Variants in UPF1 observed in about 807,000 individuals in gnomAD.
UPF1 encodes regulator of nonsense transcripts 1.
Under a neutral mutation model 129.2 loss-of-function variants are expected in UPF1, and 9 were observed. The ratio of observed to expected loss-of-function variants is 0.07; its 90% CI spans 0.04 to 0.12. The LOEUF is 0.12. Ranked by LOEUF, UPF1 falls within the 10% of genes least tolerant of loss-of-function variation. The probability of loss-of-function intolerance (pLI) is 1.00; values close to 1 mark genes in which losing one functional copy is unlikely to be tolerated. For synonymous variants in UPF1, 649 were observed against 644.9 expected (o/e 1.01, Z -0.10); for missense variants, 788 against 1,525.3 (o/e 0.52, Z 8.05).
At chr19:18,859,964 G>T in intron 15 of UPF1, 1 of 212,836 alleles carries the variant, frequency 4.7e-6, no homozygotes, top group Non-Finnish European at 9.4e-6. Flanking sequence ...AGTTGTAGGG[G>T]CTGTGGCGCC....
At chr19:18,837,720 G>C (rs2055498297) in intron 1 of UPF1, among the ~76,000 whole-genome samples, 1 of 152,166 alleles carries the variant, frequency 6.6e-6, no homozygotes. Context: ...GCTTGGTACT[G>C]GTCCCACTTT....
Position 18,853,219 on chromosome 19 carries a change from A to C in UPF1, c.1058-33A>C. The stretch of plus-strand genomic sequence containing the variant: ...CTGGTGGAAGCGACGGCGTGGGTTA[A>C]AATGGCCACCTCTCTCACTTTTTTA... On this transcript the variant is annotated intron_variant, in intron 7 of 23. Transcript: ENST00000262803. The surrounding 1 kb of genome is among the most constrained non-coding windows in gnomAD (Gnocchi z 4.4). The C allele has an allele frequency of 6.2e-7, 1 of 1,603,154 alleles. No individual in the cohort carries two copies. Among genetic ancestry groups the C allele is most frequent in the Non-Finnish European group, 8.5e-7 (1 of 1,172,984 alleles).
intron 1 of UPF1, among the ~76,000 whole-genome samples, chr19:18,844,878 G>C (rs1044521018): frequency 1.3e-5 from 2 of 152,270 alleles, no homozygotes; most frequent in Admixed American, 6.5e-5. Flanking sequence ...ACTTTTCAGA[G>C]AGTGAAGGGA....
In UPF1 at chr19:18,851,805, G is replaced by A. The variant is rs1387603332; in HGVS notation, c.811-330G>A. Among the ~76,000 whole-genome samples the A allele has an allele frequency of 6.6e-6, 1 of 152,270 alleles. No individual in the cohort carries two copies. The highest frequency in any genetic ancestry group is 1.5e-5 in the Non-Finnish European group (1 of 68,044). ...CTTGGAGGAAGCAGCTGGCTCTGAA[G>A]GTGCCCTCTGCTGTGGACAGTGTGT... On this transcript the variant is annotated intron_variant, in intron 5 of 23. Transcript: ENST00000262803. The surrounding 1 kb of genome is among the most constrained non-coding windows in gnomAD (Gnocchi z 4.2).
At chr19:18,852,871 T>C in intron 6 of UPF1, 116 bp from the exon 7 acceptor site, 3 of 830,754 alleles carry the variant, frequency 3.6e-6, no homozygotes, top group Non-Finnish European at 5.9e-6. Context: ...TCACGGCGCC[T>C]GCTCTCACGG....
rs1184135791 is a variant in UPF1, at chr19:18,850,049, A to T, written c.462-26A>T. The T allele has an allele frequency of 6.2e-7, 1 of 1,613,696 alleles. No homozygotes were observed. The highest frequency in any genetic ancestry group is 1.3e-5 in the African/African-American group (1 of 74,906). ...GGTGAAAAGCCAAATTTTGGGTGTT[A>T]ACCGTTTATCATTTCCTGGTTTCAG... On this transcript the variant is annotated intron_variant, in intron 3 of 23. Coordinates refer to ENST00000262803, the MANE Select transcript of UPF1 (RefSeq NM_002911.4). This position sits in a 1 kb window ranked among gnomAD's most constrained non-coding sequence, Gnocchi z 7.1.
intron 1 of UPF1, among the ~76,000 whole-genome samples, chr19:18,834,020 GGAGA>G (rs2055457336): frequency 6.6e-6 from 1 of 152,190 alleles, no homozygotes; most frequent in Non-Finnish European, 1.5e-5. Context: ...AGGGAGGGAG[GGAGA>G]GAGGAGAGTT....
intron 11 of UPF1, chr19:18,855,492 G>C: frequency 1.7e-6 from 1 of 578,936 alleles, no homozygotes; most frequent in East Asian, 2.9e-5. Context: ...CTGCAGCAGC[G>C]TGAGTTCCGT....
intron 3 of UPF1, chr19:18,849,507 C>G (rs1195760634): frequency 6.3e-6 from 1 of 159,526 alleles, no homozygotes; most frequent in African/African-American, 2.4e-5. Flanking sequence ...GGGCTTCACA[C>G]ACAGCCCTGG....
chr19:18,836,954 A>G (rs2055489989), intron 1 of UPF1, among the ~76,000 whole-genome samples: 3 of 150,588 alleles, frequency 2.0e-5, no homozygotes, highest in Admixed American at 2.0e-4. Flanking sequence ...GGGTTTCACC[A>G]TGTTAGTCAG....
chr19:18,856,579 G>A (rs537138945), intron 13 of UPF1, among the ~76,000 whole-genome samples: 3 of 152,304 alleles, frequency 2.0e-5, no homozygotes, highest in Admixed American at 6.5e-5. Flanking sequence ...AGCCTGAACT[G>A]GAATCAGCCT....
At chr19:18,839,903 C>A (rs1023113925) in intron 1 of UPF1, among the ~76,000 whole-genome samples, 2 of 152,180 alleles carry the variant, frequency 1.3e-5, no homozygotes, top group African/African-American at 4.8e-5. Flanking sequence ...AAGGGAAAGC[C>A]TGTGGGAATG....
intron 1 of UPF1, among the ~76,000 whole-genome samples, chr19:18,839,825 G>A (rs546975378): frequency 7.2e-5 from 11 of 152,348 alleles, no homozygotes; most frequent in African/African-American, 2.4e-4. Flanking sequence ...TGCACTGTTA[G>A]AAGACAGCAC....
At chr19:18,864,021 A>G in intron 19 of UPF1, 149 bp from the exon 20 acceptor site, 3 of 728,412 alleles carry the variant, frequency 4.1e-6, no homozygotes, top group South Asian at 3.4e-5. Context: ...GCCATGAGAC[A>G]GCAGCTCCCT....
At chr19:18,855,269 A>G (rs754406622) in intron 11 of UPF1, 27 bp downstream of exon 11, 20 of 1,603,584 alleles carry the variant, frequency 1.2e-5, no homozygotes, top group Non-Finnish European at 1.7e-5. Context: ...CCTTGCGGGC[A>G]AGACCCGGGA....
Position 18,865,212 on chromosome 19 carries a change from G to C in UPF1, c.2858-77G>C. On this transcript the variant is annotated intron_variant, in intron 20 of 23. Transcript: ENST00000262803. The surrounding 1 kb of genome is among the most constrained non-coding windows in gnomAD (Gnocchi z 6.1). ...ACAGATGTGCAGCTCCGGCTGACTG[G>C]CTGGTGGGGTGGGTGGGGTATCGCT... 6.7e-7 allele frequency: 1 copy of C among 1,492,060 alleles called. No homozygotes were observed. The highest frequency in any genetic ancestry group is 9.0e-7 in the Non-Finnish European group (1 of 1,106,822). 92.4% of individuals were successfully genotyped at this position (1,492,060 alleles called of 1,614,324 possible).
chr19:18,848,901 ACTT>A (rs1316585236), intron 3 of UPF1: 1 of 152,214 alleles, frequency 6.6e-6, no homozygotes, highest in East Asian at 1.9e-4. Flanking sequence ...ACTAAATAAA[ACTT>A]CTCTTAGCTG....
intron 14 of UPF1, 84 bp downstream of exon 14, chr19:18,857,104 G>A (rs896053281): frequency 2.6e-5 from 41 of 1,551,396 alleles, no homozygotes; most frequent in Admixed American, 1.3e-4. Flanking sequence ...TTGTATTGAC[G>A]TAGGATGCCC....
chr19:18,856,841 G>GACCCACC (rs1286534977), intron 13 of UPF1, 36 bp from the exon 14 acceptor site: 1 of 1,588,924 alleles, frequency 6.3e-7, no homozygotes, highest in East Asian at 2.2e-5. Context: ...GGCGTTTACA[G>GACCCACC]TGCAGGTGCC....
Sources: gnomAD v4.1 joint callset for allele counts (sites outside exome capture counted in the v4.1 genomes callset) on GRCh38, gnomAD v4.1.1 for gene constraint, Gnocchi (gnomAD v3.1) non-coding constraint, MANE v1.5 for transcripts, NCBI Gene and HGNC (gene_info 2026-07-23, HGNC 2026-07-21) for gene names.